UBR2: variants seen among roughly 807,000 people sequenced by gnomAD.
The protein encoded by UBR2 is ubiquitin protein ligase E3 component n-recognin 2, also known as E3 ubiquitin-protein ligase UBR2.
A neutral mutation model predicts 247.9 loss-of-function variants in UBR2; 92 were observed. The ratio of observed to expected loss-of-function variants is 0.37; its 90% CI spans 0.31 to 0.44. The LOEUF (loss-of-function observed/expected upper bound fraction) is 0.44, where lower values mean the gene tolerates loss of function less well. Among genes scored for constraint, UBR2 ranks in the 20% least tolerant of loss-of-function variants. UBR2 has a pLI of 1.00. For synonymous variants in UBR2, 672 were observed against 693.5 expected (o/e 0.97, Z 0.49); for missense variants, 1,613 against 2,112.6 (o/e 0.76, Z 4.64).
At position 42,648,105 on chromosome 6, in the gene UBR2, C is replaced by T; in HGVS notation, c.2410-13C>T. On this transcript the variant is annotated splice_polypyrimidine_tract_variant and intron_variant, in intron 21 of 46. Transcript: ENST00000372901. ...TTATTAACATGAAACACACTTGTGT[C>T]CTGTACCTTTAGGAGAACAAGGAGA... The T allele has an allele frequency of 6.2e-7, 1 of 1,612,228 alleles. No individual in the cohort carries two copies.
intron 43 of UBR2, among the ~76,000 whole-genome samples, chr6:42,683,841 A>G (rs938324066): frequency 1.5e-4 from 23 of 152,268 alleles, no homozygotes; most frequent in African/African-American, 5.1e-4. Flanking sequence ...TAATGCAAAC[A>G]TTCCAAACTC....
In UBR2 at chr6:42,613,449, C is replaced by T. The variant is rs111545437; in HGVS notation, c.985+1158C>T. Among the ~76,000 whole-genome samples the T allele has an allele frequency of 1.2e-3, 187 of 152,278 alleles. 3 individuals carry two copies. Among genetic ancestry groups the T allele is most frequent in the African/African-American group, 4.2e-3 (176 of 41,542 alleles). On this transcript the variant is annotated intron_variant, in intron 8 of 46. Transcript: ENST00000372901. Reference sequence around the variant, plus strand: ...TAAAAGTTATCTTTCCAGGCTGACACGGTGGCCCACTCCTCTAGTCATAAC... The same window carrying T: ...TAAAAGTTATCTTTCCAGGCTGACATGGTGGCCCACTCCTCTAGTCATAAC...
At chr6:42,676,641 G>A (rs1316052011) in intron 39 of UBR2, 142 bp from the exon 40 acceptor site, 1 of 681,612 alleles carries the variant, frequency 1.5e-6, no homozygotes, top group African/African-American at 1.8e-5. Context: ...TCCCACTTGA[G>A]GGATTACAAT....
chr6:42,684,730 G>A (rs1277697807), intron 43 of UBR2, 64 bp from the exon 44 acceptor site: 1 of 1,259,596 alleles, frequency 7.9e-7, no homozygotes, highest in African/African-American at 1.5e-5. Flanking sequence ...GCACATGGAA[G>A]TGCCTCATAG....
intron 2 of UBR2, among the ~76,000 whole-genome samples, chr6:42,575,911 T>C (rs1219025426): frequency 6.6e-6 from 1 of 152,074 alleles, no homozygotes; most frequent in African/African-American, 2.4e-5. Flanking sequence ...ATTTGTGGGG[T>C]CTCATTATTA....
At position 42,678,743 on chromosome 6, in the gene UBR2, C is replaced by A. The variant is rs1389445539; in HGVS notation, c.4609+74C>A. ...CTCCAGCAAATATAAAGATCACTTG[C>A]AAAAATGAAAATTGACTAAAAGTTC... On this transcript the variant is annotated intron_variant, in intron 41 of 46. Coordinates refer to ENST00000372901, the MANE Select transcript of UBR2 (RefSeq NM_001363705.2). 5 of 1,502,364 alleles carry A rather than the reference C, an allele frequency of 3.3e-6. No homozygotes were observed. In the African/African-American group the frequency reaches 5.6e-5, roughly 17 times the overall value. The allele number at this position is 1,502,364 out of a possible 1,614,324, so 93.1% of individuals were successfully genotyped here.
intron 1 of UBR2, among the ~76,000 whole-genome samples, chr6:42,566,132 AG>A (rs1380051350): frequency 6.6e-6 from 1 of 151,954 alleles, no homozygotes; most frequent in Non-Finnish European, 1.5e-5. Context: ...CCAGTGATAC[AG>A]GGTACAAATT....
chr6:42,656,984 C>T (rs1797473825), intron 26 of UBR2, among the ~76,000 whole-genome samples: 1 of 152,002 alleles, frequency 6.6e-6, no homozygotes, highest in Admixed American at 6.6e-5. Context: ...CCTGTAATCC[C>T]ACCACTTTGG....
intron 31 of UBR2, among the ~76,000 whole-genome samples, chr6:42,662,952 C>CAAA (rs113164393): frequency 6.8e-6 from 1 of 146,410 alleles, no homozygotes; most frequent in Non-Finnish European, 1.5e-5. Flanking sequence ...ACAACAACAA[C>CAAA]AAAAAAAAAA....
intron 31 of UBR2, 116 bp downstream of exon 31, chr6:42,662,393 C>T (rs971786854): frequency 6.2e-6 from 4 of 644,482 alleles, no homozygotes; most frequent in African/African-American, 1.9e-5. Flanking sequence ...TTGAAAAAAT[C>T]CGTATCATTG....
At chr6:42,600,381 A>C (rs1039966281) in intron 4 of UBR2, among the ~76,000 whole-genome samples, 3 of 152,152 alleles carry the variant, frequency 2.0e-5, no homozygotes, top group African/African-American at 7.2e-5. Context: ...AGATAATACA[A>C]TAGGATGTCA....
chr6:42,619,453 A>AT lies in UBR2; in HGVS notation c.1281+1958dup, dbSNP rs1554251969. The AT allele has an allele frequency of 3.3e-3, 78 of 23,828 alleles. 2 individuals are homozygous for AT. The Middle Eastern group carries it at 0.11, about 32-fold the overall frequency. The allele number at this position is 23,828 out of a possible 1,614,324, so 1.5% of individuals were successfully genotyped here. A position where few individuals can be genotyped will look rare whatever the true frequency, so the allele number is the denominator to read the frequency against. ...TATATATATATATATATATATATAT[A>AT]TTTTTTTTTTTTAGTTCTCTATCTC... On this transcript the variant is annotated intron_variant, in intron 11 of 46. Coordinates refer to ENST00000372901, the MANE Select transcript of UBR2 (RefSeq NM_001363705.2).
At chr6:42,641,515 C>T in intron 16 of UBR2, 67 bp from the exon 17 acceptor site, 1 of 1,223,856 alleles carries the variant, frequency 8.2e-7, no homozygotes, top group Non-Finnish European at 1.2e-6. Context: ...GACCAAACTT[C>T]TTTTTAGAAC....
chr6:42,678,913 G>A lies in UBR2; in HGVS notation c.4609+244G>A, dbSNP rs182756023. Among the ~76,000 whole-genome samples the A allele has an allele frequency of 1.4e-4, 22 of 152,202 alleles. No homozygotes were observed. The South Asian group carries it at 3.9e-3, about 27-fold the overall frequency. On this transcript the variant is annotated intron_variant, in intron 41 of 46. Coordinates refer to ENST00000372901, the MANE Select transcript of UBR2 (RefSeq NM_001363705.2). ...TTTACACCTGCAAAGCCCTTCTCCC[G>A]TAAAGATCATAGTTTTGCTTTCAGA...
intron 33 of UBR2, 114 bp from the exon 34 acceptor site, chr6:42,666,053 G>A: frequency 1.2e-6 from 1 of 833,696 alleles, no homozygotes; most frequent in Non-Finnish European, 1.8e-6. Context: ...TGTTATGCCA[G>A]TTTTTATTAG....
chr6:42,598,143 G>T (rs924306182), intron 4 of UBR2, among the ~76,000 whole-genome samples: 1 of 151,944 alleles, frequency 6.6e-6, no homozygotes, highest in African/African-American at 2.4e-5. Flanking sequence ...CATTGTATAG[G>T]ACAGGGTTCA....
At chr6:42,633,011 A>G in intron 13 of UBR2, 107 bp downstream of exon 13, 3 of 711,394 alleles carry the variant, frequency 4.2e-6, no homozygotes, top group Non-Finnish European at 6.1e-6. Context: ...TGGGGGTCTC[A>G]CTGTGTTGCC....
At chr6:42,574,845 C>T (rs1791398599) in intron 2 of UBR2, among the ~76,000 whole-genome samples, 1 of 151,972 alleles carries the variant, frequency 6.6e-6, no homozygotes, top group Non-Finnish European at 1.5e-5. Context: ...ACAGGCTTAG[C>T]CCATGACCAT....
intron 41 of UBR2, among the ~76,000 whole-genome samples, chr6:42,679,494 C>T (rs893651809): frequency 1.3e-5 from 2 of 152,254 alleles, no homozygotes; most frequent in African/African-American, 4.8e-5. Flanking sequence ...AGCCGAGACA[C>T]CAGGACATTG....
Sources: gnomAD v4.1 joint callset for allele counts (sites outside exome capture counted in the v4.1 genomes callset) on GRCh38, gnomAD v4.1.1 for gene constraint, MANE v1.5 for transcripts, NCBI Gene and HGNC (gene_info 2026-07-23, HGNC 2026-07-21) for gene names.